The following DNMT3B variants were observed in gnomAD, a reference collection of about 807,000 sequenced individuals.
DNMT3B encodes the protein DNA methyltransferase 3 beta.
A neutral mutation model predicts 120.2 loss-of-function variants in DNMT3B; 37 were observed. That is an observed-to-expected ratio of 0.31 (90% CI 0.24 to 0.40). The LOEUF (loss-of-function observed/expected upper bound fraction) is 0.40. DNMT3B is among the 10% of genes least tolerant of loss of function. DNMT3B has a pLI of 1.00. For missense variants in DNMT3B, 878 were observed against 1,137.3 expected (o/e 0.77, Z 3.28); for synonymous variants, 412 against 442.8 (o/e 0.93, Z 0.87).
At position 32,788,984 on chromosome 20, in the gene DNMT3B, A is replaced by G. The variant is rs770784575; in HGVS notation, c.785A>G (p.Gln262Arg). The change falls in exon 7 of 23, where the codon CAG becomes CGG. Residue 262 changes from glutamine to arginine, a missense_variant. Physicochemically the swap from Gln to Arg is conservative, Grantham distance 43. Around this residue, in one of 4 missense-constraint regions of DNMT3B, gnomAD observed 50 missense variants for 89.7 expected, o/e 0.56. Transcript: ENST00000328111. ...GCTATGTCTGGCATGCGGTGGGTCC[A>G]GTGGTTTGGCGATGGCAAGTTCTCC... ...RQAMSGMRWV[Q>R]WFGDGKFSEV... is the part of the protein sequence containing the mutation. 3.1e-6 allele frequency: 5 copies of G among 1,614,008 alleles called. No individual in the cohort carries two copies. The African/African-American group carries it at 4.0e-5, about 13-fold the overall frequency.
intron 20 of DNMT3B, 124 bp downstream of exon 20, chr20:32,802,594 AC>A: frequency 9.8e-7 from 1 of 1,020,432 alleles, no homozygotes; most frequent in Non-Finnish European, 1.5e-6. Flanking sequence ...TGGATTTCAG[AC>A]CACCTGTGGT....
intron 8 of DNMT3B, among the ~76,000 whole-genome samples, chr20:32,792,184 G>A (rs1469845852): frequency 1.3e-5 from 2 of 152,146 alleles, no homozygotes; most frequent in Non-Finnish European, 2.9e-5. Context: ...GGCTTCATTA[G>A]ACACTGAAAT....
chr20:32,776,057 C>T (rs560047423), intron 1 of DNMT3B, among the ~76,000 whole-genome samples: 1 of 152,226 alleles, frequency 6.6e-6, no homozygotes, highest in South Asian at 2.1e-4. Context: ...GGTGAAACCA[C>T]GTCTCTTCTA....
At chr20:32,773,980 A>G (rs1331050989) in intron 1 of DNMT3B, among the ~76,000 whole-genome samples, 8 of 85,460 alleles carry the variant, frequency 9.4e-5, no homozygotes, top group Admixed American at 5.6e-4. Context: ...TGTAAATCTG[A>G]TGTTTTCTGG....
At position 32,800,731 on chromosome 20, in the gene DNMT3B, A is replaced by T. The variant is rs77179792; in HGVS notation, c.1906-104A>T. The T allele has an allele frequency of 8.2e-3, 10,580 of 1,286,532 alleles. 74 individuals are homozygous for T. The highest frequency in any genetic ancestry group is 0.01 in the Admixed American group (616 of 59,578). 79.7% of individuals were successfully genotyped at this position (1,286,532 alleles called of 1,614,324 possible). On this transcript the variant is annotated intron_variant, in intron 17 of 22. Coordinates refer to ENST00000328111, the MANE Select transcript of DNMT3B (RefSeq NM_006892.4). The stretch of plus-strand genomic sequence containing the variant: ...CCGCCGTCAGCCTTCCTGGGATTAC[A>T]GGTGTGAGCCACCTCGTCCAGCCCC...
intron 16 of DNMT3B, 44 bp downstream of exon 16, chr20:32,799,372 C>T (rs544038169): frequency 1.3e-6 from 2 of 1,587,900 alleles, no homozygotes; most frequent in Admixed American, 3.5e-5. Context: ...CGTGTCACAA[C>T]AGGGTAGCCA....
Position 32,762,627 on chromosome 20 carries a change from A to T in DNMT3B, c.-79A>T, listed in dbSNP as rs1209782325. On this transcript the variant is annotated 5_prime_UTR_variant, in exon 1 of 23. Transcript: ENST00000328111. ...GAGCCCAGCGCCCTGCACGGCCGCC[A>T]GCCGGCCTCCCGCCAGCCAGCCCCG... The T allele has an allele frequency of 7.1e-6, 2 of 280,460 alleles. No homozygotes were observed. Among genetic ancestry groups the T allele is most frequent in the African/African-American group, 4.6e-5 (2 of 43,886 alleles). 17.4% of individuals were successfully genotyped at this position (280,460 alleles called of 1,614,324 possible). A position where few individuals can be genotyped will look rare whatever the true frequency, so the allele number is the denominator to read the frequency against.
intron 19 of DNMT3B, 93 bp from the exon 20 acceptor site, chr20:32,802,292 T>A: frequency 7.5e-7 from 1 of 1,338,178 alleles, no homozygotes; most frequent in Non-Finnish European, 1.1e-6. Context: ...GCCTCATCCA[T>A]AGTCAGGGAA....
chr20:32,801,472 G>T (rs748556192), intron 19 of DNMT3B, 46 bp downstream of exon 19: 1 of 1,612,358 alleles, frequency 6.2e-7, no homozygotes, highest in South Asian at 1.1e-5. Context: ...CCAGGGCAGG[G>T]AAAGCGCTGC....
intron 1 of DNMT3B, among the ~76,000 whole-genome samples, chr20:32,769,032 G>C (rs1181358161): frequency 6.6e-6 from 1 of 152,182 alleles, no homozygotes; most frequent in African/African-American, 2.4e-5. Flanking sequence ...AAATATGATT[G>C]TTACTACAAC....
chr20:32,802,435 C>T lies in DNMT3B; in HGVS notation c.2196C>T (p.Ala732=). The change falls in exon 20 of 23, where the codon GCC becomes GCT. Residue 732 remains alanine, a synonymous_variant. Coordinates refer to ENST00000328111, the MANE Select transcript of DNMT3B (RefSeq NM_006892.4). ...TCAAAGTTTCTGCTGCTCACAGGGCCCGATACTTCTGGGGCAACCTACCCG... is the reference window on the plus strand; with the variant it reads ...TCAAAGTTTCTGCTGCTCACAGGGCTCGATACTTCTGGGGCAACCTACCCG... ...DAIKVSAAHR[A]RYFWGNLPGM... 1 of 1,614,146 alleles carries T rather than the reference C, an allele frequency of 6.2e-7. No individual in the cohort carries two copies. Among genetic ancestry groups the T allele is most frequent in the Non-Finnish European group, 8.5e-7 (1 of 1,180,036 alleles).
chr20:32,802,302 A>G, intron 19 of DNMT3B, 83 bp from the exon 20 acceptor site: 4 of 1,424,468 alleles, frequency 2.8e-6, no homozygotes, highest in Non-Finnish European at 4.0e-6. Flanking sequence ...TAGTCAGGGA[A>G]TAGCCCTGTC....
At position 32,787,223 on chromosome 20, in the gene DNMT3B, T is replaced by C. The variant is rs1455437324; in HGVS notation, c.433-7T>C. The C allele has an allele frequency of 1.9e-5, 31 of 1,614,066 alleles. No homozygotes were observed. The highest frequency in any genetic ancestry group is 2.5e-5 in the Non-Finnish European group (30 of 1,180,044). ...CTGGCCCAAACTATGTGTCCTTCTGTCCACAGTCCCTGAGACGGCGGGCAA... is the reference window on the plus strand; with the variant it reads ...CTGGCCCAAACTATGTGTCCTTCTGCCCACAGTCCCTGAGACGGCGGGCAA... On this transcript the variant is annotated splice_region_variant and splice_polypyrimidine_tract_variant and intron_variant, in intron 5 of 22. Transcript: ENST00000328111.
At chr20:32,786,765 T>C in intron 5 of DNMT3B, 138 bp downstream of exon 5, 7 of 1,435,442 alleles carry the variant, frequency 4.9e-6, no homozygotes, top group Non-Finnish European at 6.7e-6. Flanking sequence ...TGCTTTTTCT[T>C]TTCTCTCCTG....
chr20:32,793,622 G>T (rs1980252399), intron 10 of DNMT3B, 27 bp downstream of exon 10: 2 of 1,612,316 alleles, frequency 1.2e-6, no homozygotes, highest in African/African-American at 2.7e-5. Context: ...TTTTGACTGT[G>T]CCCTGTTTTC....
chr20:32,801,712 A>G (rs2424929), intron 19 of DNMT3B, among the ~76,000 whole-genome samples: 88,906 of 151,896 alleles, frequency 0.59, 28,464 homozygotes, highest in East Asian at 0.99. Context: ...AGCCTCCCAA[A>G]TGGCTGGGAC....
intron 19 of DNMT3B, 117 bp from the exon 20 acceptor site, chr20:32,802,268 T>A (rs1428311386): frequency 1.8e-6 from 2 of 1,106,434 alleles, no homozygotes; most frequent in Non-Finnish European, 2.8e-6. Flanking sequence ...TCTTTCCTGT[T>A]TTGGAGGATC....
Position 32,793,500 on chromosome 20 carries a change from T to A in DNMT3B, c.1067-36T>A, listed in dbSNP as rs1377132129. The A allele has an allele frequency of 1.9e-6, 3 of 1,609,644 alleles. No individual in the cohort carries two copies. The South Asian group carries it at 3.3e-5, about 18-fold the overall frequency. ...AAAACAGTCCATACATTTAATGTAA[T>A]GTTTTTTCTGTTTTGTTTTGTTTTC... On this transcript the variant is annotated intron_variant, in intron 9 of 22. Transcript: ENST00000328111.
At chr20:32,765,819 G>C (rs1407216007) in intron 1 of DNMT3B, among the ~76,000 whole-genome samples, 1 of 140,446 alleles carries the variant, frequency 7.1e-6, no homozygotes, top group Admixed American at 7.3e-5. Flanking sequence ...GCAGTGGCGC[G>C]ATCTCCGCTC....
Sources: gnomAD v4.1 joint callset for allele counts (sites outside exome capture counted in the v4.1 genomes callset) on GRCh38, gnomAD v4.1.1 for gene constraint, gnomAD v4.1.1 regional missense constraint, MANE v1.5 for transcripts, NCBI Gene and HGNC (gene_info 2026-07-23, HGNC 2026-07-21) for gene names.